MYOM3: variants seen among roughly 807,000 people sequenced by gnomAD.
The protein encoded by MYOM3 is myomesin 3, also known as myomesin-3.
MYOM3 carries 155 observed loss-of-function variants against 191.7 expected under a neutral mutation model. That is an observed-to-expected ratio of 0.81 (90% CI 0.71 to 0.92). The LOEUF (loss-of-function observed/expected upper bound fraction) is 0.92. Among genes scored for constraint, MYOM3 ranks in the 40% least tolerant of loss-of-function variants. The pLI, the probability that MYOM3 is intolerant of heterozygous loss-of-function variation, is 0.00. For missense variants in MYOM3, 1,889 were observed against 1,890.6 expected (o/e 1.00, Z 0.02); for synonymous variants, 757 against 762.9 (o/e 0.99, Z 0.13).
At chr1:24,105,424 CCACT>C (rs1643973935) in intron 5 of MYOM3, among the ~76,000 whole-genome samples, 1 of 152,240 alleles carries the variant, frequency 6.6e-6, no homozygotes, top group Admixed American at 6.5e-5. Flanking sequence ...CCTGCCCCAC[CCACT>C]GTCTCCCTGC....
At chr1:24,071,026 GGGAAGTACCAGCCCATGC>G (rs1323459737) in intron 25 of MYOM3, 73 bp downstream of exon 25, 9 of 1,467,108 alleles carry the variant, frequency 6.1e-6, no homozygotes, top group Admixed American at 1.9e-5. Flanking sequence ...GGCCACTAGG[GGGAAGTACCAGCCCATGC>G]GGAATCACCA....
chr1:24,068,106 G>T, intron 26 of MYOM3, 77 bp from the exon 27 acceptor site: 1 of 1,583,566 alleles, frequency 6.3e-7, no homozygotes, highest in Non-Finnish European at 8.7e-7. Context: ...GTGGACAGAA[G>T]TCGAGGGGGC....
At position 24,084,470 on chromosome 1, in the gene MYOM3, G is replaced by A; in HGVS notation, c.1968C>T (p.Thr656=). 1 of 1,614,124 alleles carries A rather than the reference G, an allele frequency of 6.2e-7. No homozygotes were observed. The highest frequency in any genetic ancestry group is 1.1e-5 in the South Asian group (1 of 91,080). The change falls in exon 16 of 37, where the codon ACC becomes ACT. Residue 656 remains threonine, a splice_region_variant and synonymous_variant. Coordinates refer to ENST00000374434, the MANE Select transcript of MYOM3 (RefSeq NM_152372.4). ...QTVNNKPIQG[T]RFTVPGLRTG... Reference sequence around the variant, plus strand: ...CTGATACGGGTGGGCAGACGTACCTGGTGCCTTGGATGGGTTTGTTGTTAA... The same window carrying A: ...CTGATACGGGTGGGCAGACGTACCTAGTGCCTTGGATGGGTTTGTTGTTAA...
Position 24,064,059 on chromosome 1 carries a change from C to T in MYOM3, c.3622+13G>A, listed in dbSNP as rs370544812. 867 of 1,609,934 alleles carry T rather than the reference C, an allele frequency of 5.4e-4. No individual in the cohort carries two copies. Among genetic ancestry groups the T allele is most frequent in the Middle Eastern group, 8.3e-4 (5 of 6,046 alleles). On this transcript the variant is annotated intron_variant, in intron 30 of 36. Transcript: ENST00000374434. ...GCTCCCTCCACAGCCCCTGACCCAT[C>T]GCCAGCTCCTACCGTCACCCGTGAG...
Position 24,068,349 on chromosome 1 carries a change from CA to C in MYOM3, c.3168del (p.Phe1056LeufsTer10). On this transcript the variant is annotated frameshift_variant, in exon 26 of 37. Coordinates refer to ENST00000374434, the MANE Select transcript of MYOM3 (RefSeq NM_152372.4). LOFTEE classifies it high-confidence loss of function. ...ACTTCCACCAGGCCCTTCTCTCGGT[CA>C]AAATTGATTTTGCGGTTCTGAAAAG... ...IFSSPNRKIN[F>X]DREKGLVEVI... The C allele has an allele frequency of 1.9e-6, 3 of 1,614,138 alleles. No individual in the cohort carries two copies. Among genetic ancestry groups the C allele is most frequent in the Non-Finnish European group, 2.5e-6 (3 of 1,180,010 alleles).
At position 24,092,293 on chromosome 1, in the gene MYOM3, C is replaced by T; in HGVS notation, c.1113G>A (p.Gly371=). The T allele has an allele frequency of 7.4e-7, 1 of 1,358,924 alleles. No individual in the cohort carries two copies. The allele number at this position is 1,358,924 out of a possible 1,614,324, so 84.2% of individuals were successfully genotyped here. A position where few individuals can be genotyped will look rare whatever the true frequency, so the allele number is the denominator to read the frequency against. The change falls in exon 11 of 37, where the codon GGG becomes GGA. Residue 371 remains glycine, a synonymous_variant. Coordinates refer to ENST00000374434, the MANE Select transcript of MYOM3 (RefSeq NM_152372.4). The part of the protein sequence containing the change: ...LVRDAEAENP[G]APGSPLNVRC... The stretch of plus-strand genomic sequence containing the variant: ...GGACGTTCAGTGGGGAGCCTGGGGC[C>T]CCGGGGTTCTCGGCCTCGGCATCTG...
Position 24,080,084 on chromosome 1 carries a change from A to G in MYOM3, c.2518T>C (p.Phe840Leu). The G allele has an allele frequency of 6.2e-7, 1 of 1,614,118 alleles. No homozygotes were observed. The highest frequency in any genetic ancestry group is 8.5e-7 in the Non-Finnish European group (1 of 1,180,004). ...CACTGCTCAGAGCCTTCCTCCTGGAAACTGACGTGATAGCCTGTGACAGGC... is the reference window on the plus strand; with the variant it reads ...CACTGCTCAGAGCCTTCCTCCTGGAGACTGACGTGATAGCCTGTGACAGGC... Reference protein sequence around the residue: ...AGPVTGYHVSFQEEGSEQWKP... With the variant: ...AGPVTGYHVSLQEEGSEQWKP... Residue 840 changes from phenylalanine (F) to leucine (L), a missense_variant, in exon 20 of 37, where the codon TTC (phenylalanine) becomes CTC (leucine). Phe to Leu is a conservative substitution (Grantham distance 22). Coordinates refer to ENST00000374434, the MANE Select transcript of MYOM3 (RefSeq NM_152372.4).
chr1:24,058,138 A>G (rs1303106110), intron 36 of MYOM3, among the ~76,000 whole-genome samples: 3 of 152,146 alleles, frequency 2.0e-5, no homozygotes, highest in Non-Finnish European at 2.9e-5. Context: ...ATACTTACCC[A>G]TCAGAATCTC....
At chr1:24,097,385 C>T (rs1488626779) in intron 7 of MYOM3, among the ~76,000 whole-genome samples, 1 of 152,216 alleles carries the variant, frequency 6.6e-6, no homozygotes, top group Non-Finnish European at 1.5e-5. Context: ...GAGAGAGCAA[C>T]TTGGGGGCTA....
At chr1:24,092,084 G>T in intron 11 of MYOM3, 90 bp downstream of exon 11, 1 of 1,261,576 alleles carries the variant, frequency 7.9e-7, no homozygotes, top group Non-Finnish European at 1.0e-6. Flanking sequence ...GTTCTCTGAG[G>T]TCAGACATGG....
intron 7 of MYOM3, among the ~76,000 whole-genome samples, chr1:24,097,359 T>C (rs1030633829): frequency 6.6e-6 from 1 of 152,198 alleles, no homozygotes; most frequent in Non-Finnish European, 1.5e-5. Context: ...TTGTGCTCTG[T>C]GCAAAGTTAT....
At chr1:24,107,712 C>T (rs769017062) in intron 3 of MYOM3, among the ~76,000 whole-genome samples, 4 of 152,194 alleles carry the variant, frequency 2.6e-5, no homozygotes, top group Non-Finnish European at 4.4e-5. Flanking sequence ...TTAGCCCCCT[C>T]CCCCACCACG....
At chr1:24,091,295 C>T (rs1308502546) in intron 11 of MYOM3, among the ~76,000 whole-genome samples, 2 of 152,132 alleles carry the variant, frequency 1.3e-5, no homozygotes, top group Admixed American at 6.5e-5. Context: ...CTAGGGGGCA[C>T]GTGTGGTCAC....
At chr1:24,079,937 T>A (rs1643645986) in intron 20 of MYOM3, 79 bp downstream of exon 20, 1 of 1,280,532 alleles carries the variant, frequency 7.8e-7, no homozygotes, top group African/African-American at 1.5e-5. Context: ...CAGTGATGTC[T>A]GGAGGTCATT....
chr1:24,103,202 G>A (rs1258562473), intron 5 of MYOM3, among the ~76,000 whole-genome samples: 1 of 152,264 alleles, frequency 6.6e-6, no homozygotes, highest in Non-Finnish European at 1.5e-5. Context: ...TGGCTGCGGG[G>A]AGGACAGCTG....
chr1:24,100,345 C>T (rs1249408142), intron 5 of MYOM3, among the ~76,000 whole-genome samples: 2 of 152,172 alleles, frequency 1.3e-5, no homozygotes, highest in African/African-American at 2.4e-5. Flanking sequence ...GCCCACACAC[C>T]GCAGGTGCTC....
In MYOM3 at chr1:24,057,376, C is replaced by CA; in HGVS notation, c.4301dup (p.Lys1435GlufsTer49). On this transcript the variant is annotated frameshift_variant, in exon 37 of 37. Transcript: ENST00000374434. LOFTEE classifies it high-confidence loss of function. ...TGGACACACGCTGTCACATGCTCTT[C>CA]AGCTCCTTGGGCTCGTCCCCGTGCT... 2 of 1,613,412 alleles carry CA rather than the reference C, an allele frequency of 1.2e-6. No homozygotes were observed. The highest frequency in any genetic ancestry group is 8.5e-7 in the Non-Finnish European group (1 of 1,179,898).
At position 24,067,074 on chromosome 1, in the gene MYOM3, G is replaced by T. The variant is rs144867345; in HGVS notation, c.3370C>A (p.Arg1124=). 6.3e-7 allele frequency: 1 copy of T among 1,575,392 alleles called. No individual in the cohort carries two copies. The highest frequency in any genetic ancestry group is 8.6e-7 in the Non-Finnish European group (1 of 1,158,270). The change falls in exon 28 of 37, where the codon CGG becomes AGG. Residue 1124 remains arginine, a synonymous_variant. Transcript: ENST00000374434. ...WKRKQGPYFE[R]PLQWKVTEDC... ...TCCGTGACCTTCCACTGCAACGGCCGCTCAAAATAGGGACCTGTGCGTGCA... is the reference window on the plus strand; with the variant it reads ...TCCGTGACCTTCCACTGCAACGGCCTCTCAAAATAGGGACCTGTGCGTGCA...
At chr1:24,097,763 G>T (rs1303835635) in intron 7 of MYOM3, among the ~76,000 whole-genome samples, 160 bp downstream of exon 7, 1 of 152,188 alleles carries the variant, frequency 6.6e-6, no homozygotes, top group African/African-American at 2.4e-5. Flanking sequence ...AAGGCCCCCA[G>T]GGAAGCGGGA....
Sources: allele counts gnomAD v4.1 joint callset (sites outside exome capture counted in the v4.1 genomes callset), GRCh38; gene constraint gnomAD v4.1.1; transcripts MANE v1.5; gene names NCBI Gene and HGNC (gene_info 2026-07-23, HGNC 2026-07-21).